PCDH9: variants seen among roughly 807,000 people sequenced by gnomAD.
The protein encoded by PCDH9 is protocadherin-9.
Under a neutral mutation model 70.6 loss-of-function variants are expected in PCDH9, and 24 were observed. That is an observed-to-expected ratio of 0.34 (90% CI 0.25 to 0.48). The LOEUF is 0.48. Among genes scored for constraint, PCDH9 ranks in the 20% least tolerant of loss-of-function variants. The pLI, the probability that PCDH9 is intolerant of heterozygous loss-of-function variation, is 0.99. For synonymous variants in PCDH9, 562 were observed against 558.5 expected, an observed-to-expected ratio of 1.01 and a Z score of -0.09; for missense variants, 1,281 against 1,503.6, an observed-to-expected ratio of 0.85 and a Z score of 2.45.
Position 66,548,705 on chromosome 13 carries a change from C to A in PCDH9, c.3340+82505G>T, listed in dbSNP as rs189420930. 3.2e-3 allele frequency among the ~76,000 whole-genome samples: 491 copies of A among 152,002 alleles called. 1 individual carries two copies. The highest frequency in any genetic ancestry group is 0.014 in the Middle Eastern group (4 of 294). ...CCACTTTAAAAGGCCTACATTTGAG[C>A]AAAATAGAGTTTCATTTTCATGAAA... On this transcript the variant is annotated intron_variant, in intron 4 of 4. Coordinates refer to ENST00000377865, the MANE Select transcript of PCDH9 (RefSeq NM_203487.3).
chr13:67,214,295 G>A (rs2089539151), intron 2 of PCDH9: 1 of 152,122 alleles, frequency 6.6e-6, no homozygotes, highest in Admixed American at 6.5e-5. Context: ...ATACTTTGAG[G>A]CATTTTAGCT....
intron 2 of PCDH9, among the ~76,000 whole-genome samples, chr13:66,917,753 T>A (rs2082579443): frequency 6.6e-6 from 1 of 151,446 alleles, no homozygotes; most frequent in Non-Finnish European, 1.5e-5. Context: ...ATAATGCTCC[T>A]TATTAATATA....
chr13:66,345,029 G>C (rs1223256506), intron 4 of PCDH9, among the ~76,000 whole-genome samples: 1 of 152,110 alleles, frequency 6.6e-6, no homozygotes, highest in African/African-American at 2.4e-5. Flanking sequence ...GACACTTTAG[G>C]AGGTCTTTCT....
intron 2 of PCDH9, among the ~76,000 whole-genome samples, chr13:67,198,812 G>A (rs2089139513): frequency 6.6e-6 from 1 of 151,812 alleles, no homozygotes; most frequent in Non-Finnish European, 1.5e-5. Context: ...AATGTTGGTA[G>A]TTGTGCTTTA....
chr13:66,481,965 C>T (rs1566359841), intron 4 of PCDH9, among the ~76,000 whole-genome samples: 2 of 146,574 alleles, frequency 1.4e-5, no homozygotes, highest in African/African-American at 5.0e-5. Context: ...CACACACACA[C>T]AAAATCAATC....
At chr13:66,828,596 A>G (rs11617188) in intron 3 of PCDH9, among the ~76,000 whole-genome samples, 50,942 of 152,026 alleles carry the variant, frequency 0.34, 9,576 homozygotes, top group Non-Finnish European at 0.43. Context: ...ACAGTACACA[A>G]TGTTTTAGAA....
chr13:66,653,759 A>G (rs1241409315), intron 3 of PCDH9, among the ~76,000 whole-genome samples: 1 of 152,050 alleles, frequency 6.6e-6, no homozygotes, highest in Non-Finnish European at 1.5e-5. Flanking sequence ...TGAGGTCAGG[A>G]GACCCAGACC....
At chr13:66,759,649 T>C (rs1418724216) in intron 3 of PCDH9, among the ~76,000 whole-genome samples, 1 of 146,280 alleles carries the variant, frequency 6.8e-6, no homozygotes, top group Non-Finnish European at 1.5e-5. Context: ...TTACTTTTTG[T>C]GTATGTATTC....
chr13:67,176,621 T>C (rs1354810851), intron 2 of PCDH9, among the ~76,000 whole-genome samples: 1 of 152,076 alleles, frequency 6.6e-6, no homozygotes, highest in East Asian at 1.9e-4. Context: ...GTAGTACTAA[T>C]ATTTTTAGAC....
chr13:66,375,260 C>T (rs557568015), intron 4 of PCDH9, among the ~76,000 whole-genome samples: 20 of 152,044 alleles, frequency 1.3e-4, no homozygotes, highest in Admixed American at 5.9e-4. Context: ...TAGAAGTAAC[C>T]CCACATGTCA....
chr13:66,477,931 C>T (rs145753613), intron 4 of PCDH9, among the ~76,000 whole-genome samples: 1 of 152,124 alleles, frequency 6.6e-6, no homozygotes, highest in East Asian at 1.9e-4. Flanking sequence ...TACAGGCATA[C>T]CTCTTTTTAT....
chr13:66,304,607 G>A lies in PCDH9; in HGVS notation c.*48C>T, dbSNP rs369099277. ...GAATACATAAAGCTCTGACGCACAC[G>A]GTATTAGCATGTCTATTTAAAGTTA... On this transcript the variant is annotated 3_prime_UTR_variant, in exon 5 of 5. Coordinates refer to ENST00000377865, the MANE Select transcript of PCDH9 (RefSeq NM_203487.3). 2.1e-5 allele frequency: 31 copies of A among 1,470,000 alleles called. No individual in the cohort carries two copies. Among genetic ancestry groups the A allele is most frequent in the East Asian group, 9.1e-5 (4 of 44,012 alleles). The allele number at this position is 1,470,000 out of a possible 1,614,324, so 91.1% of individuals were successfully genotyped here. A position where few individuals can be genotyped will look rare whatever the true frequency, so the allele number is the denominator to read the frequency against.
intron 4 of PCDH9, among the ~76,000 whole-genome samples, chr13:66,469,849 G>A (rs1021803485): frequency 1.3e-5 from 2 of 151,836 alleles, no homozygotes; most frequent in African/African-American, 4.8e-5. Flanking sequence ...CTTCTATCAC[G>A]GACATTTTAT....
At chr13:67,079,844 C>T (rs889671910) in intron 2 of PCDH9, among the ~76,000 whole-genome samples, 1 of 152,164 alleles carries the variant, frequency 6.6e-6, no homozygotes, top group African/African-American at 2.4e-5. Context: ...TTGGTCTCTA[C>T]AACCCCCTTA....
chr13:66,832,924 C>T (rs779928871), intron 3 of PCDH9, among the ~76,000 whole-genome samples: 3 of 152,134 alleles, frequency 2.0e-5, no homozygotes, highest in Non-Finnish European at 4.4e-5. Context: ...ACTACCTATA[C>T]TTGCAGATGG....
At chr13:66,890,029 T>G (rs1299626244) in intron 3 of PCDH9, among the ~76,000 whole-genome samples, 1 of 152,152 alleles carries the variant, frequency 6.6e-6, no homozygotes, top group Admixed American at 6.6e-5. Flanking sequence ...AGCAAACCCA[T>G]TTTATTATCT....
chr13:66,565,102 G>A (rs758058983), intron 4 of PCDH9, among the ~76,000 whole-genome samples: 3 of 152,046 alleles, frequency 2.0e-5, no homozygotes, highest in Non-Finnish European at 2.9e-5. Flanking sequence ...AATCATTTTC[G>A]TGTCTTAAAT....
intron 4 of PCDH9, among the ~76,000 whole-genome samples, chr13:66,456,657 A>G (rs1958323286): frequency 6.6e-6 from 1 of 152,116 alleles, no homozygotes; most frequent in South Asian, 2.1e-4. Flanking sequence ...GTAGCATTCC[A>G]ATTCTTGTGC....
chr13:67,085,783 T>C (rs945238310), intron 2 of PCDH9, among the ~76,000 whole-genome samples: 1 of 152,192 alleles, frequency 6.6e-6, no homozygotes, highest in Admixed American at 6.5e-5. Context: ...AGGAGTTTGT[T>C]CAAATGGCCA....
Sources: gnomAD v4.1 joint callset for allele counts (sites outside exome capture counted in the v4.1 genomes callset) on GRCh38, gnomAD v4.1.1 for gene constraint, MANE v1.5 for transcripts, NCBI Gene and HGNC (gene_info 2026-07-23, HGNC 2026-07-21) for gene names.